The following NCAM2 variants were observed in gnomAD, a reference collection of about 807,000 sequenced individuals.
The protein encoded by NCAM2 is N-CAM-2.
A neutral mutation model predicts 98.1 loss-of-function variants in NCAM2; 30 were observed. The ratio of observed to expected loss-of-function variants is 0.31; its 90% CI spans 0.23 to 0.41. The LOEUF is 0.41. Among genes scored for constraint, NCAM2 ranks in the 10% least tolerant of loss-of-function variants. The pLI is 1.00. For synonymous variants in NCAM2, 368 were observed against 342.4 expected, an observed-to-expected ratio of 1.07 and a Z score of -0.83; for missense variants, 867 against 1,005.8, an observed-to-expected ratio of 0.86 and a Z score of 1.87.
At chr21:21,031,440 G>C (rs543987665) in intron 1 of NCAM2, among the ~76,000 whole-genome samples, 16 of 152,284 alleles carry the variant, frequency 1.1e-4, no homozygotes, top group African/African-American at 3.6e-4. Context: ...AGTGGTTACT[G>C]TTGGGCCCAA....
chr21:21,515,087 C>G (rs1387191978), intron 16 of NCAM2, among the ~76,000 whole-genome samples: 3 of 152,138 alleles, frequency 2.0e-5, no homozygotes, highest in Non-Finnish European at 4.4e-5. Flanking sequence ...TTTGCAGATT[C>G]ATTGAAAGAC....
At chr21:21,382,914 G>A (rs1368478066) in intron 9 of NCAM2, among the ~76,000 whole-genome samples, 1 of 151,528 alleles carries the variant, frequency 6.6e-6, no homozygotes. Context: ...AAGTCCTATA[G>A]TTTCATCCAT....
rs117286567 is a variant in NCAM2 at position 21,215,584 on chromosome 21, C to T, written c.56-64994C>T. Among the ~76,000 whole-genome samples, 186 of 152,002 alleles carry T rather than the reference C, an allele frequency of 1.2e-3. 2 individuals are homozygous for T. The East Asian group carries it at 0.034, about 28-fold the overall frequency. On this transcript the variant is annotated intron_variant, in intron 1 of 17. Coordinates refer to ENST00000400546, the MANE Select transcript of NCAM2 (RefSeq NM_004540.5). Reference sequence around the variant, plus strand: ...AAACAAAAACAAAAACAAAATTAGCCGGGCGTGGTGGTGCAAGCCTGTCAT... The same window carrying T: ...AAACAAAAACAAAAACAAAATTAGCTGGGCGTGGTGGTGCAAGCCTGTCAT...
chr21:21,162,935 T>G (rs980440642), intron 1 of NCAM2, among the ~76,000 whole-genome samples: 1 of 152,124 alleles, frequency 6.6e-6, no homozygotes, highest in Non-Finnish European at 1.5e-5. Flanking sequence ...TAGAAGAAAT[T>G]TGGCAGTTCC....
At chr21:21,484,170 T>G (rs1321476707) in intron 15 of NCAM2, among the ~76,000 whole-genome samples, 1 of 152,106 alleles carries the variant, frequency 6.6e-6, no homozygotes, top group Non-Finnish European at 1.5e-5. Flanking sequence ...AATTTCTGAG[T>G]AATGCAGAAT....
intron 5 of NCAM2, among the ~76,000 whole-genome samples, chr21:21,313,265 G>A (rs1218902405): frequency 6.6e-6 from 1 of 151,118 alleles, no homozygotes; most frequent in African/African-American, 2.4e-5. Flanking sequence ...CTTAATTTTT[G>A]CTTATTTTGC....
intron 1 of NCAM2, among the ~76,000 whole-genome samples, chr21:21,059,396 A>C (rs1440612775): frequency 6.6e-6 from 1 of 152,094 alleles, no homozygotes; most frequent in African/African-American, 2.4e-5. Context: ...CAGATAATGC[A>C]ACTTTGGTTA....
intron 1 of NCAM2, among the ~76,000 whole-genome samples, chr21:21,108,580 G>A (rs1681389433): frequency 6.6e-6 from 1 of 152,054 alleles, no homozygotes; most frequent in Admixed American, 6.6e-5. Context: ...AATTGTAAGG[G>A]CAGGCTATAA....
intron 1 of NCAM2, among the ~76,000 whole-genome samples, chr21:21,026,638 AT>A (rs977540120): frequency 8.8e-4 from 131 of 148,492 alleles, no homozygotes; most frequent in African/African-American, 1.6e-3. Context: ...AAAAAAAAAA[AT>A]TTTTCAAATT....
intron 1 of NCAM2, among the ~76,000 whole-genome samples, chr21:21,120,453 G>A (rs931627178): frequency 6.6e-6 from 1 of 152,100 alleles, no homozygotes; most frequent in Non-Finnish European, 1.5e-5. Context: ...GTGTATGTAT[G>A]TGTCTATCTT....
At chr21:21,365,012 G>A (rs146505496) in intron 8 of NCAM2, among the ~76,000 whole-genome samples, 2,175 of 152,202 alleles carry the variant, frequency 0.014, 42 homozygotes, top group Admixed American at 0.037. Flanking sequence ...CTACTGCCTG[G>A]AGAGAGATTT....
At chr21:21,281,696 A>C (rs2072936552) in intron 2 of NCAM2, among the ~76,000 whole-genome samples, 1 of 151,920 alleles carries the variant, frequency 6.6e-6, no homozygotes, top group South Asian at 2.1e-4. Context: ...TAATTTTTTA[A>C]ACCTTAGTGC....
rs190396724 is a variant in NCAM2, at chr21:21,155,179, A to G, written c.56-125399A>G. 7.5e-4 allele frequency among the ~76,000 whole-genome samples: 114 copies of G among 151,282 alleles called. 1 individual carries two copies. The highest frequency in any genetic ancestry group is 2.7e-3 in the African/African-American group (112 of 41,368). On this transcript the variant is annotated intron_variant, in intron 1 of 17. Transcript: ENST00000400546. ...AGGAACTATGATGGATATTGGTCTT[A>G]TTGTAAGATACTACACTAAAGAAAA...
At chr21:21,007,682 A>G (rs1403228902) in intron 1 of NCAM2, among the ~76,000 whole-genome samples, 1 of 152,138 alleles carries the variant, frequency 6.6e-6, no homozygotes, top group African/African-American at 2.4e-5. Flanking sequence ...TAACTAAGGT[A>G]CTATGAGCTG....
intron 1 of NCAM2, among the ~76,000 whole-genome samples, chr21:21,265,003 T>TAA (rs1555846957): frequency 7.2e-5 from 8 of 110,778 alleles, no homozygotes; most frequent in African/African-American, 2.3e-4. Flanking sequence ...TGTGTATATA[T>TAA]ACACATATAT....
chr21:21,273,001 AC>A (rs2147444474), intron 1 of NCAM2, among the ~76,000 whole-genome samples: 2 of 151,752 alleles, frequency 1.3e-5, no homozygotes, highest in South Asian at 4.2e-4. Flanking sequence ...ACACACACAC[AC>A]ACACACAATC....
At chr21:21,518,602 T>C (rs901650525) in intron 16 of NCAM2, among the ~76,000 whole-genome samples, 2 of 151,484 alleles carry the variant, frequency 1.3e-5, no homozygotes, top group African/African-American at 4.8e-5. Context: ...TAAAAACACA[T>C]AGAATAAATA....
intron 6 of NCAM2, among the ~76,000 whole-genome samples, chr21:21,330,549 G>T (rs1321461277): frequency 1.3e-5 from 2 of 151,986 alleles, no homozygotes; most frequent in South Asian, 4.1e-4. Context: ...TAAAGTATGT[G>T]TATTCCACTA....
intron 12 of NCAM2, among the ~76,000 whole-genome samples, chr21:21,449,371 TA>T (rs910108031): frequency 1.7e-3 from 244 of 143,166 alleles, no homozygotes; most frequent in Admixed American, 1.8e-3. Context: ...CCCAGAAACT[TA>T]AAAAAAAAAA....
Sources: allele counts gnomAD v4.1 joint callset (sites outside exome capture counted in the v4.1 genomes callset), GRCh38; gene constraint gnomAD v4.1.1; transcripts MANE v1.5; gene names NCBI Gene and HGNC (gene_info 2026-07-23, HGNC 2026-07-21).